Variants in ARHGAP20 observed in about 807,000 individuals in gnomAD.
ARHGAP20 encodes the protein Rho GTPase activating protein 20.
ARHGAP20 carries 34 observed loss-of-function variants against 73.7 expected under a neutral mutation model. That is an observed-to-expected ratio of 0.46 (90% CI 0.35 to 0.61). ARHGAP20 has a LOEUF of 0.61. ARHGAP20 is among the 20% of genes least tolerant of loss of function. ARHGAP20 has a pLI of 0.00. For missense variants in ARHGAP20, 1,314 were observed against 1,420.9 expected (o/e 0.92, Z 1.21); for synonymous variants, 523 against 518.2 (o/e 1.01, Z -0.13).
At chr11:110,587,461 C>T (rs7935395) in intron 11 of ARHGAP20, among the ~76,000 whole-genome samples, 119,491 of 152,156 alleles carry the variant, frequency 0.79, 47,772 homozygotes, top group Middle Eastern at 0.9. Context: ...ACACAACTTG[C>T]TACTTAGATA....
intron 6 of ARHGAP20, among the ~76,000 whole-genome samples, chr11:110,612,137 A>T (rs11213501): frequency 0.019 from 2,867 of 152,226 alleles, 94 homozygotes; most frequent in African/African-American, 0.066. Context: ...AGCAAACAGT[A>T]AAAGAGTTAA....
intron 9 of ARHGAP20, among the ~76,000 whole-genome samples, chr11:110,600,066 CCT>C (rs1948072736): frequency 6.6e-6 from 1 of 152,226 alleles, no homozygotes; most frequent in African/African-American, 2.4e-5. Context: ...CAATAAAGCT[CCT>C]CTTCATCTTG....
intron 1 of ARHGAP20, among the ~76,000 whole-genome samples, chr11:110,694,682 T>C (rs1402798397): frequency 6.6e-6 from 1 of 151,668 alleles, no homozygotes; most frequent in Non-Finnish European, 1.5e-5. Flanking sequence ...ATTATACTTA[T>C]GTTTCTGACC....
chr11:110,581,021 GC>G lies in ARHGAP20; in HGVS notation c.1924del (p.Ala642ProfsTer10). On this transcript the variant is annotated frameshift_variant, in exon 15 of 15. Transcript: ENST00000683387. LOFTEE classifies it low-confidence loss of function (END_TRUNC). ...TTGAACATCTTCATCTTTAGAATGG[GC>G]CAAGTCAAAGTCGCTTAGGGTTAAA... ...GLLTLSDFDL[A>X]HSKDEDVQMK... 6.2e-7 allele frequency: 1 copy of G among 1,614,158 alleles called. No homozygotes were observed. Among genetic ancestry groups the G allele is most frequent in the Non-Finnish European group, 8.5e-7 (1 of 1,180,020 alleles).
In ARHGAP20 at chr11:110,624,242, A is replaced by G; in HGVS notation, c.423T>C (p.Asp141=). The change falls in exon 4 of 15, where the codon GAT becomes GAC. Residue 141 remains aspartate, a synonymous_variant. Transcript: ENST00000683387. ...CATTGGTGTTGCCTTCTCCCACTTC[A>G]TCCACACAGCTTGCTGTCCACATAT... ...LTDMWTASCV[D]EVGEGNTNAM... 1 of 1,613,186 alleles carries G rather than the reference A, an allele frequency of 6.2e-7. No individual in the cohort carries two copies. Among genetic ancestry groups the G allele is most frequent in the South Asian group, 1.1e-5 (1 of 90,790 alleles).
intron 5 of ARHGAP20, 68 bp downstream of exon 5, chr11:110,615,485 T>G (rs1948463554): frequency 1.7e-5 from 24 of 1,442,472 alleles, no homozygotes; most frequent in African/African-American, 2.8e-5. Context: ...GGGGCACATC[T>G]CTGCAGAAAA....
intron 2 of ARHGAP20, among the ~76,000 whole-genome samples, chr11:110,633,176 A>AT (rs928999148): frequency 5.3e-5 from 8 of 152,098 alleles, no homozygotes; most frequent in African/African-American, 1.9e-4. Flanking sequence ...GGCCAGGTTC[A>AT]TTTTTTTTCT....
intron 2 of ARHGAP20, among the ~76,000 whole-genome samples, chr11:110,648,769 C>A (rs931881838): frequency 6.6e-6 from 1 of 152,098 alleles, no homozygotes; most frequent in African/African-American, 2.4e-5. Context: ...AGGCATGAGC[C>A]ACCGCACCCA....
At chr11:110,641,001 G>C (rs1949066371) in intron 2 of ARHGAP20, among the ~76,000 whole-genome samples, 1 of 152,056 alleles carries the variant, frequency 6.6e-6, no homozygotes, top group African/African-American at 2.4e-5. Context: ...GCATCAAAAT[G>C]AATGAAGACA....
intron 1 of ARHGAP20, among the ~76,000 whole-genome samples, chr11:110,692,842 T>C (rs1333466591): frequency 6.6e-6 from 1 of 151,942 alleles, no homozygotes; most frequent in Non-Finnish European, 1.5e-5. Flanking sequence ...AGGAGAAACA[T>C]GGAATGAAAA....
intron 1 of ARHGAP20, among the ~76,000 whole-genome samples, chr11:110,696,963 C>T (rs1950347901): frequency 6.6e-6 from 1 of 151,594 alleles, no homozygotes; most frequent in African/African-American, 2.4e-5. Context: ...TTTATTTATT[C>T]AGTTAACTGT....
chr11:110,686,870 A>C (rs1950142642), intron 2 of ARHGAP20, among the ~76,000 whole-genome samples: 1 of 151,832 alleles, frequency 6.6e-6, no homozygotes, highest in South Asian at 2.1e-4. Context: ...ATTGCTTACA[A>C]ATATTTTGCA....
intron 1 of ARHGAP20, among the ~76,000 whole-genome samples, chr11:110,704,377 A>C (rs1355386469): frequency 6.6e-6 from 1 of 152,294 alleles, no homozygotes; most frequent in East Asian, 1.9e-4. Flanking sequence ...CACACAAGTG[A>C]CCAGACATCC....
At chr11:110,697,493 C>G (rs940489464) in intron 1 of ARHGAP20, among the ~76,000 whole-genome samples, 2 of 151,512 alleles carry the variant, frequency 1.3e-5, no homozygotes, top group East Asian at 1.9e-4. Flanking sequence ...GTCAGAGGCA[C>G]AATTTGTGAA....
chr11:110,711,188 C>T (rs1199157251), intron 1 of ARHGAP20, among the ~76,000 whole-genome samples: 1 of 152,120 alleles, frequency 6.6e-6, no homozygotes, highest in African/African-American at 2.4e-5. Flanking sequence ...GAAACCTGAC[C>T]CGGATCGGAA....
At position 110,580,424 on chromosome 11, in the gene ARHGAP20, G is replaced by A. The variant is rs750113039; in HGVS notation, c.2522C>T (p.Thr841Ile). The A allele has an allele frequency of 1.2e-6, 2 of 1,613,172 alleles. No individual in the cohort carries two copies. The highest frequency in any genetic ancestry group is 1.1e-5 in the South Asian group (1 of 91,042). Reference protein sequence around the residue: ...HTADALKGPRTHRRCSEPNIE... With the variant: ...HTADALKGPRIHRRCSEPNIE... ...GTTGGGCTCTGAGCAGCGCCGATGT[G>A]TCCTTGGACCCTTGAGGGCATCTGC... is the stretch of plus-strand genomic sequence containing the variant. The change falls in exon 15 of 15, where the codon ACA becomes ATA. Residue 841 changes from threonine (T) to isoleucine (I), a missense_variant. Thr to Ile is a moderately conservative substitution (Grantham distance 89). Coordinates refer to ENST00000683387, the MANE Select transcript of ARHGAP20 (RefSeq NM_001384657.1).
At chr11:110,696,044 A>T (rs1320264908) in intron 1 of ARHGAP20, among the ~76,000 whole-genome samples, 1 of 151,528 alleles carries the variant, frequency 6.6e-6, no homozygotes, top group Non-Finnish European at 1.5e-5. Flanking sequence ...GAAAACATTA[A>T]ACTAATTGAA....
chr11:110,712,103 CG>C, intron 1 of ARHGAP20, 23 bp downstream of exon 1: 1 of 1,289,450 alleles, frequency 7.8e-7, no homozygotes, highest in Non-Finnish European at 9.9e-7. Context: ...GCGGAGGGCA[CG>C]GGCCCCCGCT....
At chr11:110,615,479 C>T in intron 5 of ARHGAP20, 74 bp downstream of exon 5, 1 of 1,372,940 alleles carries the variant, frequency 7.3e-7, no homozygotes, top group South Asian at 1.3e-5. Flanking sequence ...TAATTTGGGG[C>T]ACATCTCTGC....
Sources: allele counts gnomAD v4.1 joint callset (sites outside exome capture counted in the v4.1 genomes callset), GRCh38; gene constraint gnomAD v4.1.1; transcripts MANE v1.5; gene names NCBI Gene and HGNC (gene_info 2026-07-23, HGNC 2026-07-21).